Variants in TBL1X observed in about 807,000 individuals in gnomAD.
TBL1X encodes transducin beta like 1 X-linked.
A neutral mutation model predicts 50.7 loss-of-function variants in TBL1X; 10 were observed. The observed-to-expected ratio is 0.20, with a 90% CI of 0.12 to 0.33. The LOEUF is 0.33. TBL1X is among the 10% of genes least tolerant of loss of function. The probability of loss-of-function intolerance (pLI) is 1.00; values close to 1 mark genes in which losing one functional copy is unlikely to be tolerated. For missense variants in TBL1X, 340 were observed against 504.4 expected (o/e 0.67, Z 3.12); for synonymous variants, 190 against 214.7 (o/e 0.88, Z 1.01).
intron 1 of TBL1X, among the ~76,000 whole-genome samples, chrX:9,474,405 T>C (rs1208866816): frequency 8.8e-6 from 1 of 113,351 alleles, no homozygotes. Context: ...AAGGTATGTG[T>C]GCGTTTGCAC....
Position 9,665,501 on chromosome X carries a change from A to AGC in TBL1X, c.211+11179_211+11180insGC, listed in dbSNP as rs2082923452. On this transcript the variant is annotated intron_variant, in intron 5 of 17. Coordinates refer to ENST00000645353, the MANE Select transcript of TBL1X (RefSeq NM_005647.4). Reference sequence around the variant, plus strand: ...ACTGATATTCAAGCTATATATATATATATATATATATATATATATATATAT... The same window carrying AGC: ...ACTGATATTCAAGCTATATATATATAGCTATATATATATATATATATATATAT... Among the ~76,000 whole-genome samples, 2 of 25,919 alleles carry AGC rather than the reference A, an allele frequency of 7.7e-5. 1 individual carries two copies. The highest frequency in any genetic ancestry group is 9.4e-4 in the Admixed American group (2 of 2,135). 22.5% of individuals were successfully genotyped at this position (25,919 alleles called of 115,157 possible).
At chrX:9,481,694 A>C (rs1279367125) in intron 1 of TBL1X, among the ~76,000 whole-genome samples, 3 of 112,030 alleles carry the variant, frequency 2.7e-5, no homozygotes, top group Non-Finnish European at 5.6e-5. Flanking sequence ...CTAAGTAAAG[A>C]ATGTCACTTT....
intron 7 of TBL1X, among the ~76,000 whole-genome samples, chrX:9,689,290 C>T (rs1374711395): frequency 2.7e-5 from 3 of 112,155 alleles, no homozygotes; most frequent in Non-Finnish European, 3.8e-5. Context: ...GAGAGCCAGC[C>T]GGCTGCCTCT....
chrX:9,529,269 C>T (rs2082148059), intron 2 of TBL1X, among the ~76,000 whole-genome samples: 1 of 110,698 alleles, frequency 9.0e-6, no homozygotes, highest in Non-Finnish European at 1.9e-5. Context: ...GGGTGGGTTG[C>T]AGCAGAGATG....
intron 3 of TBL1X, among the ~76,000 whole-genome samples, chrX:9,646,936 G>A (rs754918480): frequency 2.4e-4 from 27 of 111,881 alleles, no homozygotes; most frequent in African/African-American, 2.9e-4. Context: ...GGCAAGAAAC[G>A]AACTTGCCCT....
At chrX:9,599,095 C>T (rs1018694970) in intron 2 of TBL1X, among the ~76,000 whole-genome samples, 1 of 110,019 alleles carries the variant, frequency 9.1e-6, no homozygotes, top group Non-Finnish European at 1.9e-5. Flanking sequence ...AAGCATGAGC[C>T]GCCACACCCG....
intron 1 of TBL1X, among the ~76,000 whole-genome samples, chrX:9,468,799 T>A (rs1245922386): frequency 9.1e-6 from 1 of 110,306 alleles, no homozygotes; most frequent in Non-Finnish European, 1.9e-5. Flanking sequence ...TTTCCCAGGC[T>A]CCTTGTATTA....
intron 2 of TBL1X, among the ~76,000 whole-genome samples, chrX:9,521,319 G>A (rs186647127): frequency 3.6e-5 from 4 of 111,015 alleles, no homozygotes; most frequent in Non-Finnish European, 5.7e-5. Flanking sequence ...TGTTTTAAGG[G>A]AGCAGGGAAA....
intron 2 of TBL1X, among the ~76,000 whole-genome samples, chrX:9,530,620 C>A (rs1270776588): frequency 8.9e-6 from 1 of 112,051 alleles, no homozygotes; most frequent in Non-Finnish European, 1.9e-5. Context: ...CTCTCTACTT[C>A]CGCTAAAATA....
chrX:9,491,997 C>T (rs138734504), intron 1 of TBL1X, among the ~76,000 whole-genome samples: 30 of 111,803 alleles, frequency 2.7e-4, no homozygotes, highest in Non-Finnish European at 4.9e-4. Flanking sequence ...ATGGAGGATG[C>T]TGTGTCACCT....
rs112927270 is a variant in TBL1X, at chrX:9,479,938, A to ATGTGTGTGTGTGTG, written c.-201+14505_-201+14518dup. Among the ~76,000 whole-genome samples, 450 of 94,987 alleles carry ATGTGTGTGTGTGTG rather than the reference A, an allele frequency of 4.7e-3. 7 individuals carry two copies. Among genetic ancestry groups the ATGTGTGTGTGTGTG allele is most frequent in the African/African-American group, 0.016 (401 of 25,426 alleles). 82.5% of individuals were successfully genotyped at this position (94,987 alleles called of 115,157 possible). ...ATGCAAGGCGTAGAAGGAAAGTAGA[A>ATGTGTGTGTGTGTG]TGTGTGTGTGTGTGTGTGTGTGTGT... On this transcript the variant is annotated intron_variant, in intron 1 of 17. Transcript: ENST00000645353.
intron 2 of TBL1X, among the ~76,000 whole-genome samples, chrX:9,597,727 C>T (rs772512954): frequency 1.1e-4 from 12 of 112,542 alleles, no homozygotes; most frequent in East Asian, 2.8e-4. Context: ...AGACAGCCGT[C>T]GGCATGGCCT....
At chrX:9,495,390 G>C (rs1436634057) in intron 1 of TBL1X, among the ~76,000 whole-genome samples, 1 of 110,511 alleles carries the variant, frequency 9.0e-6, no homozygotes, top group African/African-American at 3.3e-5. Flanking sequence ...GATGGGTTTC[G>C]GTTTCTTTTT....
rs188415570 is a variant in TBL1X at position 9,565,403 on chromosome X, G to A, written c.-131+63554G>A. 4.7e-4 allele frequency among the ~76,000 whole-genome samples: 52 copies of A among 110,590 alleles called. 1 individual carries two copies. In the Middle Eastern group the frequency reaches 0.014, roughly 30 times the overall value. On this transcript the variant is annotated intron_variant, in intron 2 of 17. Transcript: ENST00000645353. The stretch of plus-strand genomic sequence containing the variant: ...AAAAGTTATATGAGCTATCGAAAAC[G>A]TGGAAGGGTCAGTGTAAGATTGGTG...
intron 3 of TBL1X, among the ~76,000 whole-genome samples, chrX:9,651,983 C>T (rs1338534048): frequency 2.7e-5 from 3 of 112,273 alleles, no homozygotes; most frequent in South Asian, 3.7e-4. Context: ...ACCGTGGCTG[C>T]GGGTCACGGG....
intron 13 of TBL1X, among the ~76,000 whole-genome samples, chrX:9,705,737 AAAAAAAG>A (rs1187128851): frequency 9.1e-6 from 1 of 110,019 alleles, no homozygotes; most frequent in East Asian, 2.8e-4. Flanking sequence ...AAAAAAAAAA[AAAAAAAG>A]AAAAGAAATT....
intron 1 of TBL1X, among the ~76,000 whole-genome samples, chrX:9,470,572 T>A (rs1209970771): frequency 1.8e-5 from 2 of 112,720 alleles, no homozygotes; most frequent in Non-Finnish European, 3.8e-5. Context: ...TTCCTCTTTG[T>A]TCTATGCCAG....
At chrX:9,641,258 A>G (rs180962009) in intron 3 of TBL1X, among the ~76,000 whole-genome samples, 22 of 112,094 alleles carry the variant, frequency 2.0e-4, no homozygotes, top group Non-Finnish European at 3.4e-4. Flanking sequence ...ACACCAAACA[A>G]TTGTATGTGC....
intron 2 of TBL1X, among the ~76,000 whole-genome samples, chrX:9,617,661 C>T (rs184356583): frequency 3.9e-4 from 44 of 111,868 alleles, no homozygotes; most frequent in African/African-American, 1.4e-3. Flanking sequence ...AAAACAGAAA[C>T]ATTAATGCAT....
Sources: allele counts gnomAD v4.1 joint callset (sites outside exome capture counted in the v4.1 genomes callset), GRCh38; gene constraint gnomAD v4.1.1; transcripts MANE v1.5; gene names NCBI Gene and HGNC (gene_info 2026-07-23, HGNC 2026-07-21).